NPHP4: variants seen among roughly 807,000 people sequenced by gnomAD.
NPHP4 encodes nephrocystin 4, also known as nephrocystin-4.
Under a neutral mutation model 155.8 loss-of-function variants are expected in NPHP4, and 151 were observed. The observed-to-expected ratio is 0.97, with a 90% CI of 0.85 to 1.11. The LOEUF is 1.11. Ranked by LOEUF, NPHP4 falls within the 50% of genes least tolerant of loss-of-function variation. The pLI, the probability that NPHP4 is intolerant of heterozygous loss-of-function variation, is 0.00. For synonymous variants in NPHP4, 845 were observed against 816.8 expected, an observed-to-expected ratio of 1.03 and a Z score of -0.59; for missense variants, 1,956 against 1,925.7, an observed-to-expected ratio of 1.02 and a Z score of -0.29.
chr1:5,889,524 AG>A lies in NPHP4; in HGVS notation c.2304+1343del, dbSNP rs1019631631. On this transcript the variant is annotated intron_variant, in intron 17 of 29. Transcript: ENST00000378156. This position sits in a 1 kb window ranked among gnomAD's most constrained non-coding sequence, Gnocchi z 4.2. Reference sequence around the variant, plus strand: ...TCCGTCTCCAGGTGGCACAGCAAAGAGGGGGCACAAGGCTCGGCTGGGCACG... The same window carrying A: ...TCCGTCTCCAGGTGGCACAGCAAAGAGGGGCACAAGGCTCGGCTGGGCACG... 3.5e-4 allele frequency among the ~76,000 whole-genome samples: 54 copies of A among 152,228 alleles called. No homozygotes were observed. Among genetic ancestry groups the A allele is most frequent in the Middle Eastern group, 6.8e-3 (2 of 294 alleles).
chr1:5,870,743 C>T (rs1019916831), intron 23 of NPHP4, among the ~76,000 whole-genome samples: 1 of 152,218 alleles, frequency 6.6e-6, no homozygotes, highest in Non-Finnish European at 1.5e-5. Context: ...GTAGAGGACA[C>T]GGCAAATGTC....
intron 18 of NPHP4, chr1:5,881,479 G>C (rs1316736123): frequency 1.3e-5 from 2 of 152,238 alleles, no homozygotes; most frequent in African/African-American, 2.4e-5. Flanking sequence ...CTGGATTTTG[G>C]AAAGGACCTG....
chr1:5,936,174 C>T (rs533527257), intron 9 of NPHP4, among the ~76,000 whole-genome samples: 2 of 152,318 alleles, frequency 1.3e-5, no homozygotes, highest in Admixed American at 6.5e-5. Flanking sequence ...CATAAACATG[C>T]ATTTTTCCTC....
chr1:5,957,536 G>C (rs1026596589), intron 6 of NPHP4, among the ~76,000 whole-genome samples: 2 of 149,126 alleles, frequency 1.3e-5, no homozygotes, highest in African/African-American at 5.0e-5. Context: ...ATTTAATTCA[G>C]CAGAATGCAC....
intron 11 of NPHP4, among the ~76,000 whole-genome samples, chr1:5,919,570 A>C (rs1645634840): frequency 6.6e-6 from 1 of 152,200 alleles, no homozygotes; most frequent in South Asian, 2.1e-4. Context: ...GTAGGAGAAA[A>C]GGAGGACCAC....
At chr1:5,947,616 G>A (rs945097899) in intron 8 of NPHP4, among the ~76,000 whole-genome samples, 6 of 152,172 alleles carry the variant, frequency 3.9e-5, no homozygotes, top group Admixed American at 1.3e-4. Flanking sequence ...GCTGGCCTAC[G>A]GCAGAGGACA....
At chr1:5,907,965 T>C (rs1314327844) in intron 12 of NPHP4, among the ~76,000 whole-genome samples, 1 of 152,216 alleles carries the variant, frequency 6.6e-6, no homozygotes, top group Non-Finnish European at 1.5e-5. Flanking sequence ...GCCCACGCAC[T>C]ACTGAAGACA....
intron 6 of NPHP4, among the ~76,000 whole-genome samples, chr1:5,957,301 C>G (rs916643133): frequency 6.6e-6 from 1 of 152,226 alleles, no homozygotes; most frequent in Non-Finnish European, 1.5e-5. Flanking sequence ...CCAGCAAACC[C>G]TTCACAAGCA....
chr1:5,980,263 T>C (rs1654448423), intron 2 of NPHP4, among the ~76,000 whole-genome samples: 1 of 152,128 alleles, frequency 6.6e-6, no homozygotes, highest in Non-Finnish European at 1.5e-5. Flanking sequence ...TTGGGAGCCC[T>C]GAGTAACAGA....
chr1:5,904,951 T>G, intron 15 of NPHP4, 147 bp from the exon 16 acceptor site: 1 of 768,962 alleles, frequency 1.3e-6, no homozygotes, highest in Non-Finnish European at 2.2e-6. Flanking sequence ...TGCAACCGCT[T>G]TGCTGTGCTC....
intron 11 of NPHP4, among the ~76,000 whole-genome samples, chr1:5,920,079 G>A (rs774024005): frequency 6.6e-5 from 10 of 152,208 alleles, no homozygotes; most frequent in East Asian, 1.9e-4. Flanking sequence ...CTACAGGCGC[G>A]TGCCACCACG....
intron 18 of NPHP4, among the ~76,000 whole-genome samples, chr1:5,884,125 T>C (rs1325573341): frequency 1.3e-5 from 2 of 152,148 alleles, no homozygotes; most frequent in African/African-American, 4.8e-5. Flanking sequence ...ACTTGGATGT[T>C]AAATTAGTGC....
At chr1:5,973,559 C>T (rs1021170299) in intron 3 of NPHP4, among the ~76,000 whole-genome samples, 1 of 152,166 alleles carries the variant, frequency 6.6e-6, no homozygotes, top group African/African-American at 2.4e-5. Flanking sequence ...TGCACTCCAG[C>T]CTGGGCAACA....
Position 5,870,983 on chromosome 1 carries a change from G to A in NPHP4, c.3315+2269C>T, listed in dbSNP as rs140704602. On this transcript the variant is annotated intron_variant, in intron 23 of 29. Transcript: ENST00000378156. The stretch of plus-strand genomic sequence containing the variant: ...GGGCCTGTGATGACAGAAGAGGAGC[G>A]TCAGTTCCCTAATTTTCATGGCTCT... Among the ~76,000 whole-genome samples the A allele has an allele frequency of 2.7e-3, 418 of 152,362 alleles. 3 individuals are homozygous for A. The highest frequency in any genetic ancestry group is 3.0e-3 in the Non-Finnish European group (204 of 68,030).
rs1357191071 is a variant in NPHP4, at chr1:5,944,484, C to T, written c.1119+2620G>A. On this transcript the variant is annotated intron_variant, in intron 9 of 29. Coordinates refer to ENST00000378156, the MANE Select transcript of NPHP4 (RefSeq NM_015102.5). This position sits in a 1 kb window ranked among gnomAD's most constrained non-coding sequence, Gnocchi z 4.3. ...ATTGTGCCTTTCTCCTCTCACGTCC[C>T]GCTCAATTCCAGTTTCACCCGGTGG... Among the ~76,000 whole-genome samples, 4 of 152,232 alleles carry T rather than the reference C, an allele frequency of 2.6e-5. No homozygotes were observed. The East Asian group carries it at 5.8e-4, about 22-fold the overall frequency.
intron 2 of NPHP4, among the ~76,000 whole-genome samples, chr1:5,979,765 C>G (rs1377325454): frequency 6.6e-6 from 1 of 152,042 alleles, no homozygotes; most frequent in Non-Finnish European, 1.5e-5. Flanking sequence ...CCGCCCGTCT[C>G]GGCCTCCCAA....
Position 5,892,472 on chromosome 1 carries a change from T to C in NPHP4, c.2144-1444A>G, listed in dbSNP as rs1357548518. Reference sequence around the variant, plus strand: ...TTGTCCAGTTCTCCCAGCACTACCCTGTGCAGGGCCTCCCACATGGTGGGG... The same window carrying C: ...TTGTCCAGTTCTCCCAGCACTACCCCGTGCAGGGCCTCCCACATGGTGGGG... On this transcript the variant is annotated intron_variant, in intron 16 of 29. Transcript: ENST00000378156. The surrounding 1 kb of genome is among the most constrained non-coding windows in gnomAD (Gnocchi z 4.5). 6.6e-6 allele frequency among the ~76,000 whole-genome samples: 1 copy of C among 152,066 alleles called. No individual in the cohort carries two copies. The highest frequency in any genetic ancestry group is 1.5e-5 in the Non-Finnish European group (1 of 67,988).
intron 18 of NPHP4, 72 bp from the exon 19 acceptor site, chr1:5,880,311 CAT>C: frequency 6.5e-7 from 1 of 1,531,798 alleles, no homozygotes; most frequent in Non-Finnish European, 9.0e-7. Flanking sequence ...CAACCCACCA[CAT>C]AAGCGGCTGT....
chr1:5,864,054 G>C (rs1237199069), intron 28 of NPHP4, 21 bp from the exon 29 acceptor site: 2 of 1,610,366 alleles, frequency 1.2e-6, no homozygotes, highest in African/African-American at 2.7e-5. Context: ...AGGGGACAGG[G>C]AGACGCTGCG....
Sources: gnomAD v4.1 joint callset for allele counts (sites outside exome capture counted in the v4.1 genomes callset) on GRCh38, gnomAD v4.1.1 for gene constraint, Gnocchi (gnomAD v3.1) non-coding constraint, MANE v1.5 for transcripts, NCBI Gene and HGNC (gene_info 2026-07-23, HGNC 2026-07-21) for gene names.